The following KPNA1 variants were observed in gnomAD, a reference collection of about 807,000 sequenced individuals.
KPNA1 encodes importin subunit alpha-5.
Under a neutral mutation model 70.5 loss-of-function variants are expected in KPNA1, and 10 were observed. The observed-to-expected ratio is 0.14, with a 90% CI of 0.09 to 0.24. The LOEUF (loss-of-function observed/expected upper bound fraction) is 0.24. Among genes scored for constraint, KPNA1 ranks in the 10% least tolerant of loss-of-function variants. The pLI, the probability that KPNA1 is intolerant of heterozygous loss-of-function variation, is 1.00. For missense variants in KPNA1, 397 were observed against 637.9 expected (o/e 0.62, Z 4.07); for synonymous variants, 192 against 221.9 (o/e 0.87, Z 1.20).
intron 2 of KPNA1, among the ~76,000 whole-genome samples, chr3:122,482,517 G>A (rs375683754): frequency 6.6e-6 from 1 of 152,052 alleles, no homozygotes; most frequent in South Asian, 2.1e-4. Flanking sequence ...AACCAAACAA[G>A]TTAAAGAAAT....
intron 13 of KPNA1, 97 bp from the exon 14 acceptor site, chr3:122,427,269 C>G (rs1339883179): frequency 1.1e-6 from 1 of 913,626 alleles, no homozygotes; most frequent in African/African-American, 1.7e-5. Flanking sequence ...TGTCATATAT[C>G]TCTGTTCTTG....
chr3:122,491,804 TTATAAG>T (rs1461800397), intron 2 of KPNA1, among the ~76,000 whole-genome samples: 35 of 149,474 alleles, frequency 2.3e-4, no homozygotes, highest in Non-Finnish European at 5.1e-4. Context: ...TAATCGTTAG[TTATAAG>T]AGGTGAGCTA....
rs1489383754 is a variant in KPNA1 at position 122,446,846 on chromosome 3, C to T, written c.917+2728G>A. ...AAAATGATAAAGGGGATATCACCAC[C>T]GATCCCACAGAAATACAAACTACCA... On this transcript the variant is annotated intron_variant, in intron 9 of 13. Coordinates refer to ENST00000344337, the MANE Select transcript of KPNA1 (RefSeq NM_002264.4). Among the ~76,000 whole-genome samples the T allele has an allele frequency of 5.9e-5, 9 of 152,000 alleles. 1 individual carries two copies. The highest frequency in any genetic ancestry group is 5.8e-4 in the East Asian group (3 of 5,190).
At chr3:122,464,312 A>G (rs919713889) in intron 3 of KPNA1, 3 of 308,426 alleles carry the variant, frequency 9.7e-6, no homozygotes, top group Non-Finnish European at 1.8e-5. Flanking sequence ...CTCCTTGCTC[A>G]TCACATAGCT....
At chr3:122,506,080 C>T (rs1269955634) in intron 1 of KPNA1, among the ~76,000 whole-genome samples, 1 of 152,144 alleles carries the variant, frequency 6.6e-6, no homozygotes, top group African/African-American at 2.4e-5. Flanking sequence ...CACTCTAAAC[C>T]CAAAACAATG....
intron 5 of KPNA1, 88 bp from the exon 6 acceptor site, chr3:122,454,089 A>C: frequency 1.1e-6 from 1 of 899,078 alleles, no homozygotes; most frequent in Non-Finnish European, 1.6e-6. Flanking sequence ...ACATGAAAAA[A>C]AGATTCTGAG....
chr3:122,469,155 T>G (rs980125144), intron 2 of KPNA1, among the ~76,000 whole-genome samples: 4 of 152,068 alleles, frequency 2.6e-5, no homozygotes, highest in African/African-American at 9.7e-5. Flanking sequence ...AGTTAAATAT[T>G]AAAAGCTAAA....
chr3:122,428,810 G>A (rs1311701156), intron 12 of KPNA1, among the ~76,000 whole-genome samples: 3 of 149,990 alleles, frequency 2.0e-5, no homozygotes, highest in East Asian at 1.9e-4. Context: ...CGGACAAAAC[G>A]ATACTAGTAT....
intron 2 of KPNA1, chr3:122,482,982 AAAG>A (rs2076588680): frequency 6.6e-6 from 1 of 152,654 alleles, no homozygotes; most frequent in African/African-American, 2.4e-5. Flanking sequence ...CCAAAATATC[AAAG>A]AGGAAGGAAG....
intron 2 of KPNA1, among the ~76,000 whole-genome samples, chr3:122,490,745 A>G (rs2076688962): frequency 6.6e-6 from 1 of 152,252 alleles, no homozygotes; most frequent in South Asian, 2.1e-4. Flanking sequence ...TGCTATTTCT[A>G]GGCCTTCTCA....
intron 2 of KPNA1, among the ~76,000 whole-genome samples, chr3:122,475,135 AATAATAC>A (rs1157339944): frequency 6.6e-6 from 1 of 152,218 alleles, no homozygotes; most frequent in African/African-American, 2.4e-5. Context: ...AACTGTTAGA[AATAATAC>A]ATGGATTCAG....
chr3:122,469,308 C>A (rs933146429), intron 2 of KPNA1, among the ~76,000 whole-genome samples: 1 of 152,082 alleles, frequency 6.6e-6, no homozygotes, highest in African/African-American at 2.4e-5. Context: ...TGAAAGAACT[C>A]CCCAAACCTC....
chr3:122,457,961 A>G, intron 5 of KPNA1: 2 of 899,302 alleles, frequency 2.2e-6, no homozygotes, highest in Non-Finnish European at 3.0e-6. Flanking sequence ...AGGCAGAGAG[A>G]TCAATGAAGA....
At chr3:122,490,080 T>TA (rs1182018281) in intron 2 of KPNA1, among the ~76,000 whole-genome samples, 1 of 152,254 alleles carries the variant, frequency 6.6e-6, no homozygotes, top group Non-Finnish European at 1.5e-5. Context: ...AAATGATATT[T>TA]TCTCTAACCT....
chr3:122,437,407 ATAAG>A, intron 10 of KPNA1, 112 bp from the exon 11 acceptor site: 3 of 738,662 alleles, frequency 4.1e-6, no homozygotes, highest in Non-Finnish European at 6.3e-6. Flanking sequence ...AATTTTATAA[ATAAG>A]TAACTTTATA....
At chr3:122,496,944 T>TC (rs1421952472) in intron 1 of KPNA1, among the ~76,000 whole-genome samples, 1 of 152,206 alleles carries the variant, frequency 6.6e-6, no homozygotes, top group Non-Finnish European at 1.5e-5. Context: ...CTTCAAGTGA[T>TC]CCCCCAACCT....
intron 2 of KPNA1, among the ~76,000 whole-genome samples, chr3:122,478,022 C>T (rs1433559575): frequency 1.2e-4 from 18 of 151,246 alleles, no homozygotes; most frequent in Admixed American, 6.6e-4. Context: ...ATTAGCTGGG[C>T]GTGGTGGCAC....
At chr3:122,434,423 G>C (rs1194031853) in intron 11 of KPNA1, among the ~76,000 whole-genome samples, 1 of 151,572 alleles carries the variant, frequency 6.6e-6, no homozygotes, top group East Asian at 1.9e-4. Context: ...CATAGCATGT[G>C]AACTTCCATG....
intron 5 of KPNA1, chr3:122,457,905 C>T: frequency 7.8e-7 from 1 of 1,274,242 alleles, no homozygotes; most frequent in Non-Finnish European, 1.0e-6. Flanking sequence ...AGATAGCAAA[C>T]TCTGCAGAGA....
Sources: allele counts gnomAD v4.1 joint callset (sites outside exome capture counted in the v4.1 genomes callset), GRCh38; gene constraint gnomAD v4.1.1; transcripts MANE v1.5; gene names NCBI Gene and HGNC (gene_info 2026-07-23, HGNC 2026-07-21).